RBM45: variants seen among roughly 807,000 people sequenced by gnomAD.
RBM45 encodes RNA binding motif protein 45.
Under a neutral mutation model 58.5 loss-of-function variants are expected in RBM45, and 39 were observed. The observed-to-expected ratio is 0.67, with a 90% CI of 0.52 to 0.87. The LOEUF is 0.87. RBM45 is among the 40% of genes least tolerant of loss of function. The pLI, the probability that RBM45 is intolerant of heterozygous loss-of-function variation, is 0.00. For synonymous variants in RBM45, 193 were observed against 203.0 expected (o/e 0.95, Z 0.42); for missense variants, 481 against 581.6 (o/e 0.83, Z 1.78).
intron 9 of RBM45, among the ~76,000 whole-genome samples, chr2:178,127,100 C>G (rs2087941604): frequency 1.3e-5 from 2 of 152,136 alleles, no homozygotes; most frequent in Non-Finnish European, 2.9e-5. Context: ...CCACGCCTGG[C>G]TAATTTTTTG....
exon 4 of RBM45, chr2:178,137,213 A>AGCTTAT (rs2088052132): frequency 6.6e-6 from 1 of 152,236 alleles, no homozygotes; most frequent in East Asian, 1.9e-4. Flanking sequence ...TAACAGTGGT[A>AGCTTAT]TGAACAGCAA....
intron 2 of RBM45, among the ~76,000 whole-genome samples, 192 bp from the exon 3 acceptor site, chr2:178,117,863 T>A (rs2087797942): frequency 6.6e-6 from 1 of 152,240 alleles, no homozygotes; most frequent in African/African-American, 2.4e-5. Context: ...CCTCTTTGAT[T>A]TCTCTAAAGC....
chr2:178,126,028 A>C lies in RBM45; in HGVS notation c.1277A>C (p.Asn426Thr), dbSNP rs771100065. 1 of 1,613,924 alleles carries C rather than the reference A, an allele frequency of 6.2e-7. No individual in the cohort carries two copies. Among genetic ancestry groups the C allele is most frequent in the Non-Finnish European group, 8.5e-7 (1 of 1,179,924 alleles). Residue 426 changes from asparagine to threonine, a missense_variant, in exon 9 of 10, where the codon AAT (asparagine) becomes ACT (threonine). Physicochemically the swap from Asn to Thr is moderately conservative, Grantham distance 65 (BLOSUM62 0). Coordinates refer to ENST00000286070, the MANE Select transcript of RBM45 (RefSeq NM_152945.4). ...GAAGTTTACCTTGTGTCAGGAAAAA[A>C]TGTGGGGTATGCCAAGTATGCCGAT... ...LIEVYLVSGK[N>T]VGYAKYADRI...
At chr2:178,113,042 A>T (rs1168185396) in intron 1 of RBM45, among the ~76,000 whole-genome samples, 196 bp downstream of exon 1, 1 of 152,130 alleles carries the variant, frequency 6.6e-6, no homozygotes, top group Non-Finnish European at 1.5e-5. Flanking sequence ...GGTTGCAGGG[A>T]AGGGGACGGG....
intron 5 of RBM45, among the ~76,000 whole-genome samples, chr2:178,122,156 G>A (rs544189765): frequency 6.6e-6 from 1 of 152,238 alleles, no homozygotes; most frequent in East Asian, 1.9e-4. Flanking sequence ...CCAGGGTTAG[G>A]TAAGAATTAG....
intron 3 of RBM45, among the ~76,000 whole-genome samples, chr2:178,135,062 G>A (rs2088034727): frequency 6.6e-6 from 1 of 152,172 alleles, no homozygotes; most frequent in Non-Finnish European, 1.5e-5. Context: ...TTTGGCCCTA[G>A]GAGATAATTT....
chr2:178,138,262 C>G (rs2088060893), exon 4 of RBM45: 2 of 152,092 alleles, frequency 1.3e-5, no homozygotes, highest in African/African-American at 4.8e-5. Context: ...TTAAAGGATT[C>G]TCTGCAGCTT....
At chr2:178,125,705 C>T (rs1218895066) in intron 8 of RBM45, 3 of 586,380 alleles carry the variant, frequency 5.1e-6, no homozygotes, top group Non-Finnish European at 9.9e-6. Context: ...AGAAAGATCA[C>T]TCAGAAGACA....
In RBM45 at chr2:178,112,499, A is replaced by G. The variant is rs1006751799; in HGVS notation, c.-48A>G. Reference sequence around the variant, plus strand: ...GTGTGAGACAGCAGCGGTGGCAGACACCGCAGAAGCAAAGAGCAGTGAGGC... The same window carrying G: ...GTGTGAGACAGCAGCGGTGGCAGACGCCGCAGAAGCAAAGAGCAGTGAGGC... On this transcript the variant is annotated 5_prime_UTR_variant, in exon 1 of 10. Transcript: ENST00000286070. 1.6e-5 allele frequency: 25 copies of G among 1,543,646 alleles called. No individual in the cohort carries two copies. The highest frequency in any genetic ancestry group is 2.0e-5 in the Non-Finnish European group (23 of 1,130,880).
chr2:178,124,413 A>C, intron 8 of RBM45, 123 bp downstream of exon 8: 3 of 490,424 alleles, frequency 6.1e-6, no homozygotes, highest in Non-Finnish European at 1.0e-5. Flanking sequence ...TGCTTTTAAA[A>C]CCTCCTTATT....
At chr2:178,127,429 G>A (rs914777432) in intron 9 of RBM45, among the ~76,000 whole-genome samples, 5 of 152,248 alleles carry the variant, frequency 3.3e-5, no homozygotes, top group South Asian at 2.1e-4. Flanking sequence ...GAGCTAGCAC[G>A]TATGAGAATG....
At chr2:178,113,060 G>C (rs1030741236) in intron 1 of RBM45, among the ~76,000 whole-genome samples, 4 of 152,192 alleles carry the variant, frequency 2.6e-5, no homozygotes, top group African/African-American at 9.7e-5. Flanking sequence ...GGGATGCGGA[G>C]TGTTTGCCCC....
intron 5 of RBM45, 49 bp downstream of exon 5, chr2:178,121,408 A>T: frequency 1.2e-5 from 1 of 82,680 alleles, no homozygotes; most frequent in Non-Finnish European, 2.1e-5. Flanking sequence ...ATATATACAC[A>T]CACACACACA....
chr2:178,121,429 CA>C, intron 5 of RBM45, 70 bp downstream of exon 5: 1 of 748,560 alleles, frequency 1.3e-6, no homozygotes, highest in Non-Finnish European at 1.9e-6. Flanking sequence ...CACACACACA[CA>C]CACACACACA....
At chr2:178,121,678 C>A (rs781112538) in intron 5 of RBM45, among the ~76,000 whole-genome samples, 3 of 152,116 alleles carry the variant, frequency 2.0e-5, no homozygotes, top group Non-Finnish European at 2.9e-5. Flanking sequence ...AAAAATACCT[C>A]TGGATAGAGC....
chr2:178,114,851 C>G lies in RBM45; in HGVS notation c.301-1411C>G, dbSNP rs571157699. ...GACTCAAGTGAGCCTCCCGTTTCAT[C>G]CTCCCATTACAGTTGTGAGCCACCA... On this transcript the variant is annotated intron_variant, in intron 1 of 9. Coordinates refer to ENST00000286070, the MANE Select transcript of RBM45 (RefSeq NM_152945.4). 2.6e-5 allele frequency among the ~76,000 whole-genome samples: 4 copies of G among 152,304 alleles called. 1 individual carries two copies. In the South Asian group the frequency reaches 8.3e-4, roughly 32 times the overall value.
rs766329243 is a variant in RBM45, at chr2:178,112,651, CACACCT to C, written c.106_111del (p.Thr36_Pro37del). The stretch of plus-strand genomic sequence containing the variant: ...GCATCTTCCTTGTGATCAGCAAGTA[CACACCT>C]GAGTCGGTGCTGAGGGAGCGCTTCT... On this transcript the variant is annotated inframe_deletion, in exon 1 of 10. Transcript: ENST00000286070. 9 of 1,614,114 alleles carry C rather than the reference CACACCT, an allele frequency of 5.6e-6. No homozygotes were observed. Among genetic ancestry groups the C allele is most frequent in the Non-Finnish European group, 7.6e-6 (9 of 1,180,038 alleles).
chr2:178,121,050 C>A (rs113503859), intron 4 of RBM45, 130 bp from the exon 5 acceptor site: 6 of 453,832 alleles, frequency 1.3e-5, no homozygotes, highest in Middle Eastern at 5.5e-4. Context: ...GTTCTGATGA[C>A]CAGAAGCGTA....
chr2:178,124,308 T>C lies in RBM45; in HGVS notation c.1232+18T>C. 6.9e-7 allele frequency: 1 copy of C among 1,442,462 alleles called. No homozygotes were observed. The highest frequency in any genetic ancestry group is 9.4e-7 in the Non-Finnish European group (1 of 1,060,376). The allele number at this position is 1,442,462 out of a possible 1,614,324, so 89.4% of individuals were successfully genotyped here. Reference sequence around the variant, plus strand: ...ATATTCTGGTAAGAAAGTTACATTTTTTGTTATATTTTATTTACACTAGTA... The same window carrying C: ...ATATTCTGGTAAGAAAGTTACATTTCTTGTTATATTTTATTTACACTAGTA... On this transcript the variant is annotated intron_variant, in intron 8 of 9. Coordinates refer to ENST00000286070, the MANE Select transcript of RBM45 (RefSeq NM_152945.4).
Sources: gnomAD v4.1 joint callset for allele counts (sites outside exome capture counted in the v4.1 genomes callset) on GRCh38, gnomAD v4.1.1 for gene constraint, MANE v1.5 for transcripts, NCBI Gene and HGNC (gene_info 2026-07-23, HGNC 2026-07-21) for gene names.